The following RECK variants were observed in gnomAD, a reference collection of about 807,000 sequenced individuals.
The protein encoded by RECK is reversion inducing cysteine rich protein with kazal motifs, also known as reversion-inducing cysteine-rich protein with Kazal motifs.
Under a neutral mutation model 115.1 loss-of-function variants are expected in RECK, and 69 were observed. The ratio of observed to expected loss-of-function variants is 0.60; its 90% CI spans 0.49 to 0.73. RECK has a LOEUF of 0.73. Ranked by LOEUF, RECK falls within the 30% of genes least tolerant of loss-of-function variation. RECK has a pLI of 0.00. For missense variants in RECK, 1,047 were observed against 1,203.7 expected, an observed-to-expected ratio of 0.87 and a Z score of 1.93; for synonymous variants, 414 against 419.7, an observed-to-expected ratio of 0.99 and a Z score of 0.17.
rs144252465 is a variant in RECK, at chr9:36,073,485, G to A, written c.406-7120G>A. ...AATCAGTCTCCCTTTCAGATCCTCA[G>A]GTATTGCCTTAGCTTAGGTCTTTCT... On this transcript the variant is annotated intron_variant, in intron 6 of 20. Transcript: ENST00000377966. Among the ~76,000 whole-genome samples the A allele has an allele frequency of 4.5e-4, 68 of 152,106 alleles. No homozygotes were observed. In the East Asian group the frequency reaches 0.012, roughly 27 times the overall value.
chr9:36,084,756 G>A (rs1232136112), intron 8 of RECK, among the ~76,000 whole-genome samples: 1 of 151,792 alleles, frequency 6.6e-6, no homozygotes, highest in Non-Finnish European at 1.5e-5. Flanking sequence ...AAGGAAGGAA[G>A]GTAGGCCCGT....
rs1225848671 is a variant in RECK at position 36,100,416 on chromosome 9, A to C, written c.1171A>C (p.Lys391Gln). The change falls in exon 11 of 21, where the codon AAG (lysine) becomes CAG (glutamine). Residue 391 changes from lysine to glutamine, a missense_variant. Physicochemically the swap from Lys to Gln is moderately conservative, Grantham distance 53. Transcript: ENST00000377966. ...DMKLWEKGSI[K>Q]MPFINIPVLD... is the part of the protein sequence containing the mutation. The stretch of plus-strand genomic sequence containing the variant: ...GAAGTTGTGGGAGAAAGGAAGCATA[A>C]AGATGCCATTTATCAATATACCTGT... 1 of 1,614,156 alleles carries C rather than the reference A, an allele frequency of 6.2e-7. No homozygotes were observed. Among genetic ancestry groups the C allele is most frequent in the South Asian group, 1.1e-5 (1 of 91,080 alleles).
rs761229187 is a variant in RECK at position 36,080,658 on chromosome 9, G to A, written c.439+20G>A. 4.4e-6 allele frequency: 7 copies of A among 1,606,918 alleles called. No individual in the cohort carries two copies. The highest frequency in any genetic ancestry group is 6.0e-6 in the Non-Finnish European group (7 of 1,175,458). ...ATGAAAGTAAGTATATTTGTCAATG[G>A]TTGTACAAACAGTCCAAAGATATAA... is the stretch of plus-strand genomic sequence containing the variant. On this transcript the variant is annotated intron_variant, in intron 7 of 20. Transcript: ENST00000377966.
At chr9:36,112,138 A>C (rs1375650215) in intron 15 of RECK, among the ~76,000 whole-genome samples, 167 bp from the exon 16 acceptor site, 1 of 151,202 alleles carries the variant, frequency 6.6e-6, no homozygotes, top group Non-Finnish European at 1.5e-5. Flanking sequence ...AAAAAAAAAA[A>C]AAAAAACCCT....
Position 36,046,370 on chromosome 9 carries a change from A to G in RECK, c.101-5895A>G, listed in dbSNP as rs1314630086. On this transcript the variant is annotated intron_variant, in intron 1 of 20. Transcript: ENST00000377966. ...GCATTTGAATTCTTCTCCCATTGATAACGAAGTCATATGAATGGATGTCTA... is the reference window on the plus strand; with the variant it reads ...GCATTTGAATTCTTCTCCCATTGATGACGAAGTCATATGAATGGATGTCTA... 5.9e-5 allele frequency among the ~76,000 whole-genome samples: 9 copies of G among 152,250 alleles called. No homozygotes were observed. The South Asian group carries it at 1.9e-3, about 31-fold the overall frequency.
intron 2 of RECK, among the ~76,000 whole-genome samples, chr9:36,055,971 A>T (rs1821505095): frequency 1.3e-5 from 2 of 151,394 alleles, no homozygotes; most frequent in South Asian, 4.2e-4. Context: ...ATCTTTCATT[A>T]TTGTCTTTTT....
chr9:36,111,003 A>G (rs1824022066), intron 15 of RECK, among the ~76,000 whole-genome samples: 1 of 152,230 alleles, frequency 6.6e-6, no homozygotes. Context: ...TGCCCTGCTC[A>G]AGCAAGGACT....
chr9:36,061,959 C>CTA (rs1821787105), intron 4 of RECK, among the ~76,000 whole-genome samples: 1 of 152,004 alleles, frequency 6.6e-6, no homozygotes, highest in Admixed American at 6.6e-5. Flanking sequence ...ATTTGGGGAA[C>CTA]TATGTTACTT....
At chr9:36,072,295 G>A (rs1822262784) in intron 6 of RECK, among the ~76,000 whole-genome samples, 1 of 152,142 alleles carries the variant, frequency 6.6e-6, no homozygotes, top group Non-Finnish European at 1.5e-5. Context: ...AAAGGAAAAG[G>A]GATGAAAAAT....
chr9:36,071,377 AT>A (rs1175572274), intron 6 of RECK, among the ~76,000 whole-genome samples: 1 of 152,180 alleles, frequency 6.6e-6, no homozygotes, highest in African/African-American at 2.4e-5. Context: ...GATGAGATAA[AT>A]TTTAGTTTGA....
At chr9:36,109,822 C>T (rs556907205) in intron 14 of RECK, 135 bp from the exon 15 acceptor site, 19 of 847,842 alleles carry the variant, frequency 2.2e-5, no homozygotes, top group African/African-American at 1.0e-4. Context: ...CCAGCCTGGG[C>T]GATAGAATGA....
At chr9:36,100,944 CTCT>C (rs891956911) in intron 11 of RECK, among the ~76,000 whole-genome samples, 7 of 151,504 alleles carry the variant, frequency 4.6e-5, no homozygotes, top group South Asian at 2.1e-4. Flanking sequence ...TTAGACTTTG[CTCT>C]TCTTCTTCTT....
In RECK at chr9:36,100,489, G is replaced by T; in HGVS notation, c.1244G>T (p.Cys415Phe). 6.2e-7 allele frequency: 1 copy of T among 1,614,102 alleles called. No individual in the cohort carries two copies. The highest frequency in any genetic ancestry group is 8.5e-7 in the Non-Finnish European group (1 of 1,179,978). The change falls in exon 11 of 21, where the codon TGT (cysteine) becomes TTT (phenylalanine). Residue 415 changes from cysteine to phenylalanine, a missense_variant. By Grantham distance (205) the Cys-to-Phe change is radical (BLOSUM62 -2). Coordinates refer to ENST00000377966, the MANE Select transcript of RECK (RefSeq NM_021111.3). ...CQPEMWKAIACSLQIKPCHSK... is the reference protein window; with the variant it reads ...CQPEMWKAIAFSLQIKPCHSK... ...CCAGAGATGTGGAAAGCAATAGCTT[G>T]TTCACTGCAGATTAAACCTTGTCAT... is the stretch of plus-strand genomic sequence containing the variant.
intron 1 of RECK, among the ~76,000 whole-genome samples, chr9:36,047,145 A>G (rs1821095445): frequency 6.6e-6 from 1 of 152,206 alleles, no homozygotes; most frequent in African/African-American, 2.4e-5. Flanking sequence ...ACTTTGTGTT[A>G]GAGGCTAGTA....
At position 36,094,485 on chromosome 9, in the gene RECK, A is replaced by C. The variant is rs916398902; in HGVS notation, c.1085+3142A>C. Among the ~76,000 whole-genome samples, 1 of 152,152 alleles carries C rather than the reference A, an allele frequency of 6.6e-6. No homozygotes were observed. Among genetic ancestry groups the C allele is most frequent in the Admixed American group, 6.5e-5 (1 of 15,270 alleles). On this transcript the variant is annotated intron_variant, in intron 10 of 20. Coordinates refer to ENST00000377966, the MANE Select transcript of RECK (RefSeq NM_021111.3). The surrounding 1 kb of genome is among the most constrained non-coding windows in gnomAD (Gnocchi z 4.1). The stretch of plus-strand genomic sequence containing the variant: ...ACAAAGAGGTATAGCTAAGAAGCTA[A>C]TAGGAAATATAAAATGGAAAACTAA...
intron 6 of RECK, among the ~76,000 whole-genome samples, chr9:36,068,016 A>G (rs889645668): frequency 2.8e-4 from 42 of 152,328 alleles, no homozygotes; most frequent in African/African-American, 1.0e-3. Flanking sequence ...CTATGCTCAG[A>G]TAGGTAAAGT....
At chr9:36,122,058 G>A (rs10972735) in intron 20 of RECK, among the ~76,000 whole-genome samples, 33,573 of 152,076 alleles carry the variant, frequency 0.22, 4,376 homozygotes, top group African/African-American at 0.36. Context: ...TGCAGGTCAT[G>A]CAGTGATAAA....
In RECK at chr9:36,120,575, A is replaced by G; in HGVS notation, c.2465-88A>G. On this transcript the variant is annotated intron_variant, in intron 18 of 20. Coordinates refer to ENST00000377966, the MANE Select transcript of RECK (RefSeq NM_021111.3). The stretch of plus-strand genomic sequence containing the variant: ...GAAGGACACTGTAACTCTCCTGCCC[A>G]AAATGAAGGGCTGGACATTTCACTA... 2.7e-6 allele frequency: 3 copies of G among 1,117,228 alleles called. No homozygotes were observed. In the South Asian group the frequency reaches 4.0e-5, roughly 15 times the overall value. 69.2% of individuals were successfully genotyped at this position (1,117,228 alleles called of 1,614,324 possible).
At chr9:36,046,190 C>T (rs867308661) in intron 1 of RECK, among the ~76,000 whole-genome samples, 1 of 152,030 alleles carries the variant, frequency 6.6e-6, no homozygotes. Flanking sequence ...ATTATAAACC[C>T]AGAATATGTC....
Sources: allele counts gnomAD v4.1 joint callset (sites outside exome capture counted in the v4.1 genomes callset), GRCh38; gene constraint gnomAD v4.1.1; non-coding constraint Gnocchi (gnomAD v3.1); transcripts MANE v1.5; gene names NCBI Gene and HGNC (gene_info 2026-07-23, HGNC 2026-07-21).